KCNC1: variants seen among roughly 807,000 people sequenced by gnomAD.
KCNC1 encodes voltage-gated potassium channel KCNC1.
Under a neutral mutation model 43.4 loss-of-function variants are expected in KCNC1, and 8 were observed. The observed-to-expected ratio is 0.18, with a 90% CI of 0.11 to 0.33. KCNC1 has a LOEUF of 0.33. KCNC1 is among the 10% of genes least tolerant of loss of function. The probability of loss-of-function intolerance (pLI) is 1.00; values close to 1 mark genes in which losing one functional copy is unlikely to be tolerated. For synonymous variants in KCNC1, 361 were observed against 360.5 expected (o/e 1.00, Z -0.01); for missense variants, 420 against 836.0 (o/e 0.50, Z 6.14).
chr11:17,768,398 C>A (rs1007528091), intron 1 of KCNC1, among the ~76,000 whole-genome samples: 5 of 152,034 alleles, frequency 3.3e-5, no homozygotes, highest in Non-Finnish European at 5.9e-5. Flanking sequence ...GGGAGAGGAC[C>A]CTGGGAAATC....
intron 1 of KCNC1, among the ~76,000 whole-genome samples, chr11:17,763,792 TAC>T (rs1194309093): frequency 3.1e-4 from 15 of 47,892 alleles, no homozygotes; most frequent in African/African-American, 5.8e-4. Context: ...ACACACACAA[TAC>T]ACACACACAC....
intron 1 of KCNC1, among the ~76,000 whole-genome samples, chr11:17,740,880 G>A (rs575481925): frequency 1.1e-4 from 16 of 152,118 alleles, no homozygotes; most frequent in African/African-American, 2.9e-4. Flanking sequence ...ACCTGGTGGC[G>A]GGAAATAAAG....
chr11:17,760,611 C>T (rs1416516339), intron 1 of KCNC1, among the ~76,000 whole-genome samples: 1 of 152,196 alleles, frequency 6.6e-6, no homozygotes, highest in Non-Finnish European at 1.5e-5. Flanking sequence ...CTAGGGCCCT[C>T]TGTACCTGCT....
Position 17,779,536 on chromosome 11 carries a change from G to C in KCNC1, c.1585G>C (p.Asp529His). 1 of 1,551,352 alleles carries C rather than the reference G, an allele frequency of 6.4e-7. No individual in the cohort carries two copies. Among genetic ancestry groups the C allele is most frequent in the Non-Finnish European group, 8.7e-7 (1 of 1,146,804 alleles). ...CCACATAGACCAGGCCCTCACTCCCGATGAGGGCCTGCCCTTTACGCGCTC... is the reference window on the plus strand; with the variant it reads ...CCACATAGACCAGGCCCTCACTCCCCATGAGGGCCTGCCCTTTACGCGCTC... ...CPHIDQALTP[D>H]EGLPFTRSGT... The change falls in exon 3 of 4, where the codon GAT becomes CAT. Residue 529 changes from aspartate to histidine, a missense_variant. Physicochemically the swap from Asp to His is moderately conservative, Grantham distance 81 (BLOSUM62 -1). Around this residue, in one of 5 missense-constraint regions of KCNC1, gnomAD observed 147 missense variants for 176.1 expected, o/e 0.83. Coordinates refer to ENST00000265969, the MANE Select transcript of KCNC1 (RefSeq NM_001112741.2). This position sits in a 1 kb window ranked among gnomAD's most constrained non-coding sequence, Gnocchi z 7.2.
chr11:17,755,519 G>A (rs1044748404), intron 1 of KCNC1, among the ~76,000 whole-genome samples: 5 of 152,114 alleles, frequency 3.3e-5, no homozygotes, highest in African/African-American at 1.2e-4. Flanking sequence ...GATGGGAAGG[G>A]CTCAGATGCT....
intron 1 of KCNC1, among the ~76,000 whole-genome samples, chr11:17,760,877 G>A (rs1004384508): frequency 1.6e-4 from 24 of 152,338 alleles, no homozygotes; most frequent in African/African-American, 5.3e-4. Flanking sequence ...GTTTAAACGG[G>A]ACAGTGCATG....
chr11:17,757,140 T>G (rs1565158457), intron 1 of KCNC1, among the ~76,000 whole-genome samples: 1 of 152,158 alleles, frequency 6.6e-6, no homozygotes, highest in Non-Finnish European at 1.5e-5. Flanking sequence ...ACAGAGAAGC[T>G]CAACAAAGGT....
At chr11:17,769,966 G>A (rs1187580222) in intron 1 of KCNC1, among the ~76,000 whole-genome samples, 1 of 152,222 alleles carries the variant, frequency 6.6e-6, no homozygotes. Flanking sequence ...CTGTCATTCT[G>A]AGATGCCAAC....
Position 17,766,333 on chromosome 11 carries a change from C to T in KCNC1, c.571-5332C>T, listed in dbSNP as rs557091514. On this transcript the variant is annotated intron_variant, in intron 1 of 3. Coordinates refer to ENST00000265969, the MANE Select transcript of KCNC1 (RefSeq NM_001112741.2). ...GTGTGCCATGTGCACAGTGTCTGTG[C>T]TTAGGTAATGGATGAGACATGTGCT... Among the ~76,000 whole-genome samples, 266 of 152,238 alleles carry T rather than the reference C, an allele frequency of 1.7e-3. 4 individuals carry two copies. The highest frequency in any genetic ancestry group is 0.01 in the Middle Eastern group (3 of 294).
At chr11:17,763,908 A>C (rs1411485653) in intron 1 of KCNC1, among the ~76,000 whole-genome samples, 3 of 114,820 alleles carry the variant, frequency 2.6e-5, no homozygotes, top group African/African-American at 7.3e-5. Context: ...CACAAACCCC[A>C]CACACCACAC....
At chr11:17,767,125 C>G (rs1849159099) in intron 1 of KCNC1, among the ~76,000 whole-genome samples, 1 of 109,000 alleles carries the variant, frequency 9.2e-6, no homozygotes, top group Non-Finnish European at 1.9e-5. Flanking sequence ...GAACGAGACT[C>G]TGTCTTAAAA....
chr11:17,734,799 G>A lies in KCNC1; in HGVS notation c.-1204G>A, dbSNP rs1299910859. ...GGACGCGGACCGCGCGAACGAGCAG[G>A]CGACGGGCGAGCAGCAAGCGGAGCA... is the stretch of plus-strand genomic sequence containing the variant. On this transcript the variant is annotated 5_prime_UTR_variant, in exon 1 of 4. Transcript: ENST00000265969. 2.6e-5 allele frequency: 4 copies of A among 151,700 alleles called. No individual in the cohort carries two copies. The highest frequency in any genetic ancestry group is 9.7e-5 in the African/African-American group (4 of 41,338). 9.4% of individuals were successfully genotyped at this position (151,700 alleles called of 1,614,324 possible).
rs1849349706 is a variant in KCNC1, at chr11:17,781,870, A to G, written c.*136A>G. ...GTCCGAGTGGCCCAGGCATTGTACT[A>G]GGACGGACGTAGCTTTTTCTACGGC... On this transcript the variant is annotated 3_prime_UTR_variant, in exon 4 of 4. Coordinates refer to ENST00000265969, the MANE Select transcript of KCNC1 (RefSeq NM_001112741.2). This position sits in a 1 kb window ranked among gnomAD's most constrained non-coding sequence, Gnocchi z 5.1. The G allele has an allele frequency of 3.6e-6, 2 of 554,068 alleles. No homozygotes were observed. Among genetic ancestry groups the G allele is most frequent in the Admixed American group, 6.6e-5 (2 of 30,094 alleles). The allele number at this position is 554,068 out of a possible 1,614,324, so 34.3% of individuals were successfully genotyped here.
At position 17,773,093 on chromosome 11, in the gene KCNC1, C is replaced by T. The variant is rs1422952478; in HGVS notation, c.1504+495C>T. The T allele has an allele frequency of 2.0e-6, 2 of 993,478 alleles. No homozygotes were observed. Among genetic ancestry groups the T allele is most frequent in the African/African-American group, 1.7e-5 (1 of 57,382 alleles). 61.5% of individuals were successfully genotyped at this position (993,478 alleles called of 1,614,324 possible). ...GCATGGGATCTGGGCAGGAGGGTCC[C>T]TTGCAAAGGCAGGTGCAAGGGTTCT... On this transcript the variant is annotated intron_variant, in intron 2 of 3. Transcript: ENST00000265969. This position sits in a 1 kb window ranked among gnomAD's most constrained non-coding sequence, Gnocchi z 4.1.
At chr11:17,748,874 A>G (rs890073562) in intron 1 of KCNC1, among the ~76,000 whole-genome samples, 2 of 152,128 alleles carry the variant, frequency 1.3e-5, no homozygotes, top group African/African-American at 4.8e-5. Flanking sequence ...CTCTTCCTGA[A>G]GGTCTGTGGT....
intron 1 of KCNC1, among the ~76,000 whole-genome samples, chr11:17,740,729 G>A (rs1262139823): frequency 6.6e-6 from 1 of 152,048 alleles, no homozygotes; most frequent in Non-Finnish European, 1.5e-5. Flanking sequence ...TGGCCCCCAA[G>A]CTGGGGAAGC....
At chr11:17,754,914 AATTTTCTTATTTTCTTAT>A (rs1192934347) in intron 1 of KCNC1, among the ~76,000 whole-genome samples, 2 of 152,078 alleles carry the variant, frequency 1.3e-5, no homozygotes, top group East Asian at 3.9e-4. Flanking sequence ...TCTAAACCTC[AATTTTCTTATTTTCTTAT>A]AGGTAAATTA....
rs964610661 is a variant in KCNC1, at chr11:17,741,638, G to A, written c.570+5066G>A. Among the ~76,000 whole-genome samples the A allele has an allele frequency of 1.5e-4, 23 of 152,126 alleles. 1 individual carries two copies. Among genetic ancestry groups the A allele is most frequent in the Middle Eastern group, 3.4e-3 (1 of 294 alleles). Reference sequence around the variant, plus strand: ...TTTCAACTCACGGGCCTGTCAGATCGCCCGAGCCTGCTTAGAACCCTTCAG... The same window carrying A: ...TTTCAACTCACGGGCCTGTCAGATCACCCGAGCCTGCTTAGAACCCTTCAG... On this transcript the variant is annotated intron_variant, in intron 1 of 3. Transcript: ENST00000265969.
At position 17,771,411 on chromosome 11, in the gene KCNC1, T is replaced by C. The variant is rs1016880747; in HGVS notation, c.571-254T>C. Among the ~76,000 whole-genome samples, 9 of 152,212 alleles carry C rather than the reference T, an allele frequency of 5.9e-5. No individual in the cohort carries two copies. The highest frequency in any genetic ancestry group is 2.2e-4 in the African/African-American group (9 of 41,454). On this transcript the variant is annotated intron_variant, in intron 1 of 3. Coordinates refer to ENST00000265969, the MANE Select transcript of KCNC1 (RefSeq NM_001112741.2). The surrounding 1 kb of genome is among the most constrained non-coding windows in gnomAD (Gnocchi z 4.7). ...AGGCTCCTTCCCTCTGTAGTTATAC[T>C]AGTTATTGGGGCTTCCACATCTAGC...
Sources: allele counts gnomAD v4.1 joint callset (sites outside exome capture counted in the v4.1 genomes callset), GRCh38; gene constraint gnomAD v4.1.1; regional missense constraint gnomAD v4.1.1; non-coding constraint Gnocchi (gnomAD v3.1); transcripts MANE v1.5; gene names NCBI Gene and HGNC (gene_info 2026-07-23, HGNC 2026-07-21).